Variants in ANXA8 observed in about 807,000 individuals in gnomAD.
ANXA8 encodes the protein VAC-beta.
In ANXA8, 9 loss-of-function variants were observed where a neutral mutation model predicts 26.8. The observed-to-expected ratio is 0.34, with a 90% confidence interval of 0.20 to 0.59. ANXA8 has a LOEUF of 0.59. ANXA8 is among the 20% of genes least tolerant of loss of function. The pLI is 0.84. For missense variants in ANXA8, 83 were observed against 238.5 expected, an observed-to-expected ratio of 0.35 and a Z score of 4.29; for synonymous variants, 39 against 94.8, an observed-to-expected ratio of 0.41 and a Z score of 3.42.
the ANXA8 span, among the ~76,000 whole-genome samples, chr10:47,626,227 G>A: frequency 2.0e-5 from 3 of 149,752 alleles, no homozygotes; most frequent in Non-Finnish European, 4.4e-5. Context: ...GGATAATATT[G>A]GTCAGAGTCT....
chr10:47,575,360 G>T, the ANXA8 span, among the ~76,000 whole-genome samples: 1 of 108,090 alleles, frequency 9.3e-6, no homozygotes, highest in African/African-American at 4.2e-5. Context: ...ACTTGTATTT[G>T]TATTTTTATC....
At chr10:47,622,162 T>C in the ANXA8 span, among the ~76,000 whole-genome samples, 21 of 113,064 alleles carry the variant, frequency 1.9e-4, no homozygotes, top group African/African-American at 6.5e-4. Context: ...TACATGATTC[T>C]GGGAAGCAGC....
chr10:47,648,728 TC>T, the ANXA8 span, among the ~76,000 whole-genome samples: 2 of 82,616 alleles, frequency 2.4e-5, no homozygotes, highest in Admixed American at 2.9e-4. Context: ...AGATATAAGC[TC>T]AGTGCTACTA....
chr10:47,645,041 G>A, the ANXA8 span, among the ~76,000 whole-genome samples: 26 of 151,788 alleles, frequency 1.7e-4, no homozygotes, highest in African/African-American at 5.8e-4. Flanking sequence ...AGAGGATCCT[G>A]ATATCTGTCT....
chr10:47,947,519 G>C, the ANXA8 span, among the ~76,000 whole-genome samples: 3 of 149,880 alleles, frequency 2.0e-5, no homozygotes, highest in African/African-American at 7.5e-5. Flanking sequence ...GTTGAATTGT[G>C]GTCTTTAGTG....
the ANXA8 span, among the ~76,000 whole-genome samples, chr10:47,909,204 T>TGG: frequency 1.4e-5 from 1 of 69,944 alleles, no homozygotes; most frequent in Non-Finnish European, 2.8e-5. Context: ...GGGCTTCTTT[T>TGG]GGGGGAAGAT....
At chr10:47,991,782 C>T in the ANXA8 span, 14 of 1,609,852 alleles carry the variant, frequency 8.7e-6, 1 homozygote, top group Non-Finnish European at 1.1e-5. Flanking sequence ...TGTCTGGCTC[C>T]TGCAGCTGAG....
chr10:47,688,588 A>T, the ANXA8 span, among the ~76,000 whole-genome samples: 765 of 150,516 alleles, frequency 5.1e-3, no homozygotes, highest in African/African-American at 0.018. Context: ...CAGCCGGCTA[A>T]TTTTTGTATT....
chr10:47,585,728 C>T, the ANXA8 span, among the ~76,000 whole-genome samples: 47 of 99,790 alleles, frequency 4.7e-4, 1 homozygote, highest in African/African-American at 2.0e-3. Context: ...ATAAGGGATT[C>T]GGGTTGCTTG....
the ANXA8 span, among the ~76,000 whole-genome samples, chr10:47,674,719 AT>A: frequency 1.3e-5 from 2 of 151,722 alleles, no homozygotes; most frequent in Non-Finnish European, 2.9e-5. Flanking sequence ...TTCCTCATTT[AT>A]TTATCCATTC....
chr10:47,470,200 A>G (rs1839286275), intron 11 of ANXA8, among the ~76,000 whole-genome samples: 1 of 151,848 alleles, frequency 6.6e-6, no homozygotes, highest in South Asian at 2.1e-4. Flanking sequence ...AGTGTTGAAA[A>G]CCATTTTTGC....
At chr10:47,665,407 A>G in the ANXA8 span, among the ~76,000 whole-genome samples, 1 of 151,048 alleles carries the variant, frequency 6.6e-6, no homozygotes, top group Admixed American at 6.6e-5. Context: ...TGGTGCTTAA[A>G]CTTTAGTTGT....
At chr10:47,566,535 A>T in the ANXA8 span, among the ~76,000 whole-genome samples, 1 of 149,746 alleles carries the variant, frequency 6.7e-6, no homozygotes, top group African/African-American at 2.5e-5. Context: ...AGGTGCGGCC[A>T]GCCCTCCACC....
the ANXA8 span, among the ~76,000 whole-genome samples, chr10:47,651,800 A>T: frequency 6.6e-6 from 1 of 151,908 alleles, no homozygotes; most frequent in Non-Finnish European, 1.5e-5. Flanking sequence ...AGGCTGAGGC[A>T]GGAGAATCGC....
the ANXA8 span, among the ~76,000 whole-genome samples, chr10:47,672,214 C>T: frequency 1.2e-4 from 18 of 149,886 alleles, no homozygotes; most frequent in Non-Finnish European, 1.9e-4. Flanking sequence ...TTTTACCATT[C>T]ATTAAGAACA....
the ANXA8 span, among the ~76,000 whole-genome samples, chr10:47,552,797 T>C: frequency 2.6e-5 from 4 of 151,834 alleles, no homozygotes; most frequent in Non-Finnish European, 4.4e-5. Flanking sequence ...TTCATTCCGT[T>C]TAATAAATGT....
chr10:47,507,140 A>C, the ANXA8 span, among the ~76,000 whole-genome samples: 3 of 140,922 alleles, frequency 2.1e-5, no homozygotes, highest in South Asian at 2.3e-4. Context: ...GTTTTTATAA[A>C]CTGGGTCATG....
At chr10:47,957,898 A>G in the ANXA8 span, among the ~76,000 whole-genome samples, 1 of 150,270 alleles carries the variant, frequency 6.7e-6, no homozygotes, top group African/African-American at 2.5e-5. Flanking sequence ...TGTAAAAATT[A>G]CTCCTGCAAT....
chr10:47,626,276 T>C, the ANXA8 span, among the ~76,000 whole-genome samples: 1 of 150,150 alleles, frequency 6.7e-6, no homozygotes. Context: ...TTTTATCAAG[T>C]AAATTGTAAA....
Sources: gnomAD v4.1 joint callset for allele counts (sites outside exome capture counted in the v4.1 genomes callset) on GRCh38, gnomAD v4.1.1 for gene constraint, MANE v1.5 for transcripts, NCBI Gene and HGNC (gene_info 2026-07-23, HGNC 2026-07-21) for gene names.